LARS2: variants seen among roughly 807,000 people sequenced by gnomAD.
LARS2 encodes leucyl-tRNA synthetase 2, mitochondrial, also known as leucine--tRNA ligase, mitochondrial.
A neutral mutation model predicts 116.6 loss-of-function variants in LARS2; 81 were observed. The ratio of observed to expected loss-of-function variants is 0.69; its 90% CI spans 0.58 to 0.84. The LOEUF is 0.84. Ranked by LOEUF, LARS2 falls within the 40% of genes least tolerant of loss-of-function variation. The pLI, the probability that LARS2 is intolerant of heterozygous loss-of-function variation, is 0.00. For synonymous variants in LARS2, 396 were observed against 407.2 expected, an observed-to-expected ratio of 0.97 and a Z score of 0.33; for missense variants, 968 against 1,114.5, an observed-to-expected ratio of 0.87 and a Z score of 1.87.
chr3:45,408,132 T>C (rs1020452186), intron 4 of LARS2, among the ~76,000 whole-genome samples: 7 of 152,206 alleles, frequency 4.6e-5, no homozygotes, highest in African/African-American at 1.7e-4. Flanking sequence ...TAGAGCCTTC[T>C]CTGTCTGTCA....
intron 8 of LARS2, among the ~76,000 whole-genome samples, chr3:45,473,911 T>C (rs1367521984): frequency 1.3e-5 from 2 of 152,208 alleles, no homozygotes; most frequent in Non-Finnish European, 2.9e-5. Flanking sequence ...CTTAATTTTT[T>C]TAGTTCCTAG....
At chr3:45,484,664 A>G (rs1240745915) in intron 10 of LARS2, among the ~76,000 whole-genome samples, 1 of 95,692 alleles carries the variant, frequency 1.0e-5, no homozygotes, top group African/African-American at 3.3e-5. Context: ...ATAAGATGTT[A>G]TTTTAAATAA....
intron 21 of LARS2, 127 bp downstream of exon 21, chr3:45,542,083 C>T (rs1174273323): frequency 1.7e-6 from 2 of 1,211,432 alleles, no homozygotes; most frequent in Non-Finnish European, 2.3e-6. Flanking sequence ...CCCTCAGCCA[C>T]ACCTTGTGAC....
intron 6 of LARS2, among the ~76,000 whole-genome samples, chr3:45,443,446 A>G (rs1347695645): frequency 6.6e-6 from 1 of 152,190 alleles, no homozygotes; most frequent in Non-Finnish European, 1.5e-5. Flanking sequence ...ATGTATTTCT[A>G]AGTGGTGTCT....
chr3:45,503,068 A>G (rs1380697499), intron 15 of LARS2, among the ~76,000 whole-genome samples: 2 of 150,930 alleles, frequency 1.3e-5, no homozygotes, highest in South Asian at 2.1e-4. Flanking sequence ...TTTTTTTTGT[A>G]GGAACTCTTT....
intron 12 of LARS2, among the ~76,000 whole-genome samples, chr3:45,491,103 G>T (rs1007059973): frequency 6.6e-6 from 1 of 152,162 alleles, no homozygotes; most frequent in Non-Finnish European, 1.5e-5. Flanking sequence ...GATATTTGAT[G>T]ATCTCTGTAG....
intron 20 of LARS2, among the ~76,000 whole-genome samples, chr3:45,533,017 T>A (rs1366450530): frequency 6.6e-6 from 1 of 152,066 alleles, no homozygotes; most frequent in Non-Finnish European, 1.5e-5. Flanking sequence ...CAGACACCCT[T>A]AAGGGAGGGA....
intron 13 of LARS2, 25 bp from the exon 14 acceptor site, chr3:45,496,250 T>C (rs560439050): frequency 1.3e-6 from 2 of 1,535,202 alleles, no homozygotes; most frequent in East Asian, 2.2e-5. Flanking sequence ...AAGAAACCAA[T>C]TGATGAATTT....
chr3:45,427,829 T>TC (rs1246989328), intron 6 of LARS2, among the ~76,000 whole-genome samples: 1 of 151,436 alleles, frequency 6.6e-6, no homozygotes, highest in Non-Finnish European at 1.5e-5. Flanking sequence ...TTTTTTCTTT[T>TC]TTTTTTTTTG....
At chr3:45,408,075 C>T (rs544333895) in intron 4 of LARS2, among the ~76,000 whole-genome samples, 1 of 152,352 alleles carries the variant, frequency 6.6e-6, no homozygotes, top group East Asian at 1.9e-4. Flanking sequence ...ATAAGGCCCC[C>T]CCGTCCCCAG....
intron 7 of LARS2, among the ~76,000 whole-genome samples, chr3:45,451,605 G>A (rs943053070): frequency 6.6e-6 from 1 of 152,072 alleles, no homozygotes; most frequent in Admixed American, 6.5e-5. Context: ...GGTTACAATA[G>A]TTTTTTAGTA....
chr3:45,473,183 G>A (rs184413221), intron 8 of LARS2, among the ~76,000 whole-genome samples: 63 of 152,308 alleles, frequency 4.1e-4, no homozygotes, highest in African/African-American at 1.4e-3. Flanking sequence ...GGGATTAAGA[G>A]TTGCAGCCTA....
At position 45,541,896 on chromosome 3, in the gene LARS2, A is replaced by T. The variant is rs749116804; in HGVS notation, c.2472A>T (p.Ala824=). 3 of 1,614,224 alleles carry T rather than the reference A, an allele frequency of 1.9e-6. No individual in the cohort carries two copies. The South Asian group carries it at 3.3e-5, about 18-fold the overall frequency. The change falls in exon 21 of 22, where the codon GCA becomes GCT. Residue 824 remains alanine (A), a synonymous_variant. Transcript: ENST00000645846. Reference sequence around the variant, plus strand: ...GGGATGCCAGTGTGCTGCTCCAGGCATGGCCTGCTGTGGACCCGGAGTTCC... The same window carrying T: ...GGGATGCCAGTGTGCTGCTCCAGGCTTGGCCTGCTGTGGACCCGGAGTTCC... ...YTWDASVLLQ[A]WPAVDPEFLQ... is the part of the protein sequence containing the mutation.
intron 3 of LARS2, among the ~76,000 whole-genome samples, chr3:45,397,219 T>C (rs568578882): frequency 6.6e-6 from 1 of 152,350 alleles, no homozygotes; most frequent in East Asian, 1.9e-4. Context: ...AATCAGATTC[T>C]TGCTCAATTA....
chr3:45,465,567 T>C (rs911784110), intron 8 of LARS2, among the ~76,000 whole-genome samples: 33 of 152,160 alleles, frequency 2.2e-4, no homozygotes, highest in Admixed American at 1.6e-3. Context: ...GTAAAATCTT[T>C]AATAACAGCC....
At chr3:45,511,771 A>ATTTTT (rs67171643) in intron 15 of LARS2, among the ~76,000 whole-genome samples, 3 of 86,640 alleles carry the variant, frequency 3.5e-5, no homozygotes, top group African/African-American at 4.4e-5. Context: ...AATGCTGCTG[A>ATTTTT]TTTTTTTTTT....
intron 20 of LARS2, among the ~76,000 whole-genome samples, chr3:45,534,281 G>A (rs1274447077): frequency 6.6e-6 from 1 of 152,060 alleles, no homozygotes; most frequent in Non-Finnish European, 1.5e-5. Flanking sequence ...ATGGGTATTA[G>A]GTGCCCCCAG....
At chr3:45,512,506 T>G (rs942597379) in intron 15 of LARS2, among the ~76,000 whole-genome samples, 1 of 152,224 alleles carries the variant, frequency 6.6e-6, no homozygotes, top group Non-Finnish European at 1.5e-5. Context: ...GTACTATAAA[T>G]AAGTTATAAT....
intron 15 of LARS2, among the ~76,000 whole-genome samples, chr3:45,509,875 G>A (rs562216218): frequency 6.6e-6 from 1 of 151,928 alleles, no homozygotes; most frequent in Admixed American, 6.6e-5. Context: ...CAGCTGCTTG[G>A]GATCTTTCAA....
Sources: gnomAD v4.1 joint callset for allele counts (sites outside exome capture counted in the v4.1 genomes callset) on GRCh38, gnomAD v4.1.1 for gene constraint, MANE v1.5 for transcripts, NCBI Gene and HGNC (gene_info 2026-07-23, HGNC 2026-07-21) for gene names.